Variants in CAMTA1 observed in about 807,000 individuals in gnomAD.
CAMTA1 encodes calmodulin binding transcription activator 1, also known as calmodulin-binding transcription activator 1.
CAMTA1 carries 27 observed loss-of-function variants against 170.9 expected under a neutral mutation model. That is an observed-to-expected ratio of 0.16 (90% CI 0.12 to 0.22). The LOEUF is 0.22. Ranked by LOEUF, CAMTA1 falls within the 10% of genes least tolerant of loss-of-function variation. The probability of loss-of-function intolerance (pLI) is 1.00; values close to 1 mark genes in which losing one functional copy is unlikely to be tolerated. For synonymous variants in CAMTA1, 833 were observed against 891.5 expected (o/e 0.93, Z 1.17); for missense variants, 1,619 against 2,217.2 (o/e 0.73, Z 5.42).
intron 12 of CAMTA1, among the ~76,000 whole-genome samples, chr1:7,733,277 C>T (rs1224498191): frequency 1.3e-5 from 2 of 152,134 alleles, no homozygotes; most frequent in South Asian, 2.1e-4. Context: ...TTAGAATCTT[C>T]CTACTTTCTA....
At chr1:7,226,792 C>T (rs1194480149) in intron 4 of CAMTA1, among the ~76,000 whole-genome samples, 2 of 152,078 alleles carry the variant, frequency 1.3e-5, no homozygotes, top group Non-Finnish European at 2.9e-5. Flanking sequence ...TATCAATATC[C>T]TGTGATTCAT....
At chr1:7,156,842 T>G (rs1646912512) in intron 4 of CAMTA1, among the ~76,000 whole-genome samples, 1 of 152,144 alleles carries the variant, frequency 6.6e-6, no homozygotes, top group South Asian at 2.1e-4. Context: ...TATTCCTTTC[T>G]TGCTAAGTCC....
chr1:7,620,550 G>C (rs910093753), intron 6 of CAMTA1, among the ~76,000 whole-genome samples: 2 of 152,182 alleles, frequency 1.3e-5, no homozygotes, highest in Non-Finnish European at 2.9e-5. Flanking sequence ...AAGAAAAAGA[G>C]AGAGAGAGAA....
chr1:6,830,042 TA>T (rs1168381706), intron 3 of CAMTA1, among the ~76,000 whole-genome samples: 2 of 146,802 alleles, frequency 1.4e-5, no homozygotes, highest in Non-Finnish European at 3.0e-5. Context: ...ATTTATTTTT[TA>T]TTTTTTTTTT....
At chr1:6,917,791 AG>A (rs1300110369) in intron 3 of CAMTA1, among the ~76,000 whole-genome samples, 1 of 86,798 alleles carries the variant, frequency 1.2e-5, no homozygotes, top group East Asian at 3.7e-4. Context: ...GGGGTGGGGG[AG>A]GGGGCCCCGA....
intron 6 of CAMTA1, among the ~76,000 whole-genome samples, chr1:7,617,738 C>A (rs890334825): frequency 8.4e-6 from 1 of 119,498 alleles, no homozygotes; most frequent in East Asian, 2.9e-4. Context: ...GGTACTATTT[C>A]CAGAGGACCA....
At chr1:6,820,391 A>G (rs1035870737) in intron 2 of CAMTA1, 141 bp downstream of exon 2, 3 of 726,862 alleles carry the variant, frequency 4.1e-6, no homozygotes, top group African/African-American at 1.8e-5. Context: ...GTGATCTTAG[A>G]TGAGTTACTT....
At chr1:7,498,787 A>ATGTG (rs1491147065) in intron 6 of CAMTA1, among the ~76,000 whole-genome samples, 1 of 145,790 alleles carries the variant, frequency 6.9e-6, no homozygotes. Context: ...ATGTGTATGT[A>ATGTG]TGTGTGTGCA....
At chr1:7,246,435 T>C (rs1309239964) in intron 4 of CAMTA1, among the ~76,000 whole-genome samples, 3 of 152,198 alleles carry the variant, frequency 2.0e-5, no homozygotes, top group African/African-American at 7.2e-5. Context: ...CATTATTAAG[T>C]TGCAGGACTT....
chr1:7,655,469 C>A (rs907684366), intron 7 of CAMTA1, among the ~76,000 whole-genome samples: 43 of 117,770 alleles, frequency 3.7e-4, no homozygotes, highest in African/African-American at 1.2e-3. Flanking sequence ...ACAAACACAC[C>A]CACCTATACA....
At chr1:6,926,841 C>T (rs538705386) in intron 3 of CAMTA1, among the ~76,000 whole-genome samples, 4 of 151,942 alleles carry the variant, frequency 2.6e-5, no homozygotes, top group South Asian at 2.1e-4. Context: ...AATGATCCTC[C>T]GACCTCAACC....
At chr1:7,717,396 T>C (rs1402897780) in intron 11 of CAMTA1, among the ~76,000 whole-genome samples, 1 of 152,186 alleles carries the variant, frequency 6.6e-6, no homozygotes, top group African/African-American at 2.4e-5. Context: ...ACAACGTTCA[T>C]GTACTTCAAA....
chr1:6,794,217 G>T (rs1479349340), intron 1 of CAMTA1, among the ~76,000 whole-genome samples: 1 of 152,134 alleles, frequency 6.6e-6, no homozygotes, highest in Non-Finnish European at 1.5e-5. Flanking sequence ...AATATTGTTT[G>T]TCTTTTTAAA....
chr1:7,079,828 A>G (rs746202959), intron 3 of CAMTA1, among the ~76,000 whole-genome samples: 2 of 152,190 alleles, frequency 1.3e-5, no homozygotes, highest in Non-Finnish European at 2.9e-5. Flanking sequence ...ATAGACAAAG[A>G]TAAGAATTTT....
chr1:7,221,169 C>G (rs982441306), intron 4 of CAMTA1, among the ~76,000 whole-genome samples: 2 of 151,904 alleles, frequency 1.3e-5, no homozygotes, highest in Admixed American at 6.6e-5. Flanking sequence ...CCTTAGGCAG[C>G]AGGAATACTC....
chr1:7,590,121 G>C (rs11120985), intron 6 of CAMTA1, among the ~76,000 whole-genome samples: 1 of 152,142 alleles, frequency 6.6e-6, no homozygotes. Context: ...CTATTTGCCC[G>C]TACAGGGTGT....
At chr1:7,372,440 T>C (rs2086542637) in intron 5 of CAMTA1, among the ~76,000 whole-genome samples, 1 of 152,236 alleles carries the variant, frequency 6.6e-6, no homozygotes, top group African/African-American at 2.4e-5. Flanking sequence ...AGCTCAAAAG[T>C]ATCCACATCC....
chr1:7,358,800 T>C (rs538160189), intron 5 of CAMTA1, among the ~76,000 whole-genome samples: 75 of 152,264 alleles, frequency 4.9e-4, no homozygotes, highest in African/African-American at 1.7e-3. Context: ...CTTGGAGTCT[T>C]GTTAATGGGG....
At chr1:6,885,224 C>T (rs999793924) in intron 3 of CAMTA1, among the ~76,000 whole-genome samples, 2 of 152,112 alleles carry the variant, frequency 1.3e-5, no homozygotes, top group Non-Finnish European at 2.9e-5. Flanking sequence ...TTTTATGATA[C>T]CTCTTGTAAA....
Sources: gnomAD v4.1 joint callset for allele counts (sites outside exome capture counted in the v4.1 genomes callset) on GRCh38, gnomAD v4.1.1 for gene constraint, MANE v1.5 for transcripts, NCBI Gene and HGNC (gene_info 2026-07-23, HGNC 2026-07-21) for gene names.